Variants in PCDHGA6 observed in about 807,000 individuals in gnomAD.
PCDHGA6 encodes the protein protocadherin gamma-A6.
A neutral mutation model predicts 60.6 loss-of-function variants in PCDHGA6; 41 were observed. The ratio of observed to expected loss-of-function variants is 0.68; its 90% CI spans 0.53 to 0.88. PCDHGA6 has a LOEUF of 0.88. Ranked by LOEUF, PCDHGA6 falls within the 40% of genes least tolerant of loss-of-function variation. PCDHGA6 has a pLI of 0.00. For missense variants in PCDHGA6, 1,312 were observed against 1,203.0 expected, an observed-to-expected ratio of 1.09 and a Z score of -1.34; for synonymous variants, 594 against 524.4, an observed-to-expected ratio of 1.13 and a Z score of -1.81.
chr5:141,394,253 C>A (rs771138606), intron 1 of PCDHGA6: 1 of 1,613,986 alleles, frequency 6.2e-7, no homozygotes, highest in Admixed American at 1.7e-5. Flanking sequence ...ACGACCCCGA[C>A]AGCCAGGAGA....
At chr5:141,394,618 C>T (rs1439211567) in intron 1 of PCDHGA6, 2 of 1,613,396 alleles carry the variant, frequency 1.2e-6, no homozygotes, top group African/African-American at 1.3e-5. Context: ...GGCCAGAACG[C>T]CTGGCTGTCC....
rs1265573516 is a variant in PCDHGA6, at chr5:141,375,132, CA to C, written c.1050del (p.Ser351LeufsTer15). On this transcript the variant is annotated frameshift_variant, in exon 1 of 4. Coordinates refer to ENST00000517434, the MANE Select transcript of PCDHGA6 (RefSeq NM_018919.3). LOFTEE classifies it high-confidence loss of function. Reference sequence around the variant, plus strand: ...GATAATGTACCAGAAGTGGTTGTTACATCTGGAAGCAGAACAATTGCTGAAA... The same window carrying C: ...GATAATGTACCAGAAGTGGTTGTTACTCTGGAAGCAGAACAATTGCTGAAA... ...VNDNVPEVVV[T>X]SGSRTIAESA... 1 of 1,613,834 alleles carries C rather than the reference CA, an allele frequency of 6.2e-7. No individual in the cohort carries two copies. Among genetic ancestry groups the C allele is most frequent in the Non-Finnish European group, 8.5e-7 (1 of 1,179,904 alleles).
At chr5:141,380,666 A>G (rs1338427097) in intron 1 of PCDHGA6, among the ~76,000 whole-genome samples, 1 of 152,250 alleles carries the variant, frequency 6.6e-6, no homozygotes, top group African/African-American at 2.4e-5. Flanking sequence ...CATTTACTCC[A>G]TAGGGTATGT....
At position 141,431,276 on chromosome 5, in the gene PCDHGA6, A is replaced by T; in HGVS notation, c.2424+54769A>T. 6.2e-7 allele frequency: 1 copy of T among 1,614,176 alleles called. No individual in the cohort carries two copies. Among genetic ancestry groups the T allele is most frequent in the South Asian group, 1.1e-5 (1 of 91,084 alleles). ...GAACTCTCTGCAGAGCTACGAGCTC[A>T]GCCCGAACACTCACTTCTCCCTCAT... is the stretch of plus-strand genomic sequence containing the variant. On this transcript the variant is annotated intron_variant, in intron 1 of 3. Transcript: ENST00000517434. The surrounding 1 kb of genome is among the most constrained non-coding windows in gnomAD (Gnocchi z 4.8).
intron 1 of PCDHGA6, chr5:141,439,888 A>G (rs2098137228): frequency 6.6e-6 from 1 of 152,384 alleles, no homozygotes. Context: ...TCTGGGTAGA[A>G]CCAAGGCGAC....
chr5:141,400,080 C>T (rs375308173), intron 1 of PCDHGA6: 219 of 1,614,010 alleles, frequency 1.4e-4, no homozygotes, highest in East Asian at 2.9e-4. Flanking sequence ...CGCCACTCTC[C>T]GCCACCGCCA....
chr5:141,403,210 C>T lies in PCDHGA6; in HGVS notation c.2424+26703C>T, dbSNP rs369033480. 123 of 1,613,946 alleles carry T rather than the reference C, an allele frequency of 7.6e-5. No homozygotes were observed. In the Middle Eastern group the frequency reaches 1.2e-3, roughly 15 times the overall value. On this transcript the variant is annotated intron_variant, in intron 1 of 3. Coordinates refer to ENST00000517434, the MANE Select transcript of PCDHGA6 (RefSeq NM_018919.3). Reference sequence around the variant, plus strand: ...ACCCGCGCAGCGGCACCTTGGTCACCGCGGGTAGGATAGACCGGGAGGAGC... The same window carrying T: ...ACCCGCGCAGCGGCACCTTGGTCACTGCGGGTAGGATAGACCGGGAGGAGC...
chr5:141,382,946 T>C (rs1415736753), intron 1 of PCDHGA6: 27 of 1,598,228 alleles, frequency 1.7e-5, no homozygotes, highest in Non-Finnish European at 2.3e-5. Flanking sequence ...TTCTTCCTGC[T>C]CTCCATCCTC....
rs1239481973 is a variant in PCDHGA6 at position 141,491,585 on chromosome 5, C to G, written c.2425-3222C>G. On this transcript the variant is annotated intron_variant, in intron 1 of 3. Coordinates refer to ENST00000517434, the MANE Select transcript of PCDHGA6 (RefSeq NM_018919.3). The surrounding 1 kb of genome is among the most constrained non-coding windows in gnomAD (Gnocchi z 6.9). ...TACAGGACGTGCTTTTCACCGGCCT[C>G]GGACGGCAGTGACTTCACTTTTCTA... 6.2e-7 allele frequency: 1 copy of G among 1,613,964 alleles called. No individual in the cohort carries two copies.
intron 1 of PCDHGA6, chr5:141,403,938 G>C (rs1181403397): frequency 1.2e-6 from 2 of 1,613,848 alleles, no homozygotes; most frequent in Non-Finnish European, 1.7e-6. Flanking sequence ...GGATTGAAAG[G>C]GTGGACAAAA....
chr5:141,408,249 T>A, intron 1 of PCDHGA6: 1 of 1,589,992 alleles, frequency 6.3e-7, no homozygotes, highest in Non-Finnish European at 8.6e-7. Flanking sequence ...CCGCGGCAGG[T>A]GCTATTTCCT....
intron 1 of PCDHGA6, chr5:141,409,914 G>C: frequency 6.2e-7 from 1 of 1,613,348 alleles, no homozygotes; most frequent in East Asian, 2.2e-5. Context: ...GGTCCTGACG[G>C]CTCCGCGTTC....
At chr5:141,403,892 T>C in intron 1 of PCDHGA6, 1 of 1,613,820 alleles carries the variant, frequency 6.2e-7, no homozygotes, top group Non-Finnish European at 8.5e-7. Flanking sequence ...AGAATGTTCA[T>C]TTTATGAAAT....
At chr5:141,428,185 G>A (rs775261215) in intron 1 of PCDHGA6, 1 of 1,446,348 alleles carries the variant, frequency 6.9e-7, no homozygotes, top group Admixed American at 1.8e-5. Context: ...GAGGACAGCC[G>A]CCGCTCTCTG....
chr5:141,439,124 C>A (rs550781116), intron 1 of PCDHGA6, among the ~76,000 whole-genome samples: 332 of 150,120 alleles, frequency 2.2e-3, no homozygotes, highest in Non-Finnish European at 3.9e-3. Context: ...ACCCGGGAGA[C>A]AGAGGTTGCA....
chr5:141,453,099 C>CT (rs568622146), intron 1 of PCDHGA6, among the ~76,000 whole-genome samples: 1 of 151,962 alleles, frequency 6.6e-6, no homozygotes, highest in East Asian at 1.9e-4. Flanking sequence ...TTTTCTGTTG[C>CT]TTTTTTGTTT....
At chr5:141,419,424 A>G (rs1197238939) in intron 1 of PCDHGA6, 1 of 1,613,230 alleles carries the variant, frequency 6.2e-7, no homozygotes, top group Admixed American at 1.7e-5. Flanking sequence ...GCCTTCGACC[A>G]CGAGCAGCTG....
intron 1 of PCDHGA6, chr5:141,442,134 AG>A (rs1365375748): frequency 6.1e-6 from 1 of 163,744 alleles, no homozygotes; most frequent in African/African-American, 2.4e-5. Context: ...AGCCTGCAGG[AG>A]ACTCTGCCAG....
intron 1 of PCDHGA6, among the ~76,000 whole-genome samples, chr5:141,434,345 G>C (rs1254991411): frequency 1.3e-5 from 2 of 152,144 alleles, no homozygotes; most frequent in African/African-American, 4.8e-5. Flanking sequence ...GTCGGGAACA[G>C]GCCCCCCAAA....
Sources: gnomAD v4.1 joint callset for allele counts (sites outside exome capture counted in the v4.1 genomes callset) on GRCh38, gnomAD v4.1.1 for gene constraint, Gnocchi (gnomAD v3.1) non-coding constraint, MANE v1.5 for transcripts, NCBI Gene and HGNC (gene_info 2026-07-23, HGNC 2026-07-21) for gene names.